The following ADAMTS17 variants were observed in gnomAD, a reference collection of about 807,000 sequenced individuals.
The protein encoded by ADAMTS17 is ADAM metallopeptidase with thrombospondin type 1 motif 17.
In ADAMTS17, 113 loss-of-function variants were observed where a neutral mutation model predicts 141.5. The ratio of observed to expected loss-of-function variants is 0.80; its 90% CI spans 0.69 to 0.93. The LOEUF (loss-of-function observed/expected upper bound fraction) is 0.93, where lower values mean the gene tolerates loss of function less well. Among genes scored for constraint, ADAMTS17 ranks in the 40% least tolerant of loss-of-function variants. The pLI is 0.00. For synonymous variants in ADAMTS17, 768 were observed against 630.6 expected, an observed-to-expected ratio of 1.22 and a Z score of -3.27; for missense variants, 1,659 against 1,517.9, an observed-to-expected ratio of 1.09 and a Z score of -1.54.
intron 7 of ADAMTS17, among the ~76,000 whole-genome samples, chr15:100,241,850 C>T (rs2042837144): frequency 6.6e-6 from 1 of 152,154 alleles, no homozygotes; most frequent in African/African-American, 2.4e-5. Context: ...ATTTCTAATC[C>T]AAGTCGTCTA....
intron 2 of ADAMTS17, among the ~76,000 whole-genome samples, chr15:100,336,176 G>T (rs1349548328): frequency 6.6e-6 from 1 of 152,248 alleles, no homozygotes; most frequent in African/African-American, 2.4e-5. Context: ...CCTAGACGAT[G>T]CTGGTGGGCA....
intron 7 of ADAMTS17, among the ~76,000 whole-genome samples, chr15:100,221,904 C>T (rs1314221738): frequency 1.3e-5 from 2 of 152,216 alleles, no homozygotes; most frequent in African/African-American, 4.8e-5. Flanking sequence ...CTCGGGCTGA[C>T]ACCTCTGCCG....
At chr15:100,055,300 A>G (rs1407926145) in intron 15 of ADAMTS17, among the ~76,000 whole-genome samples, 1 of 152,228 alleles carries the variant, frequency 6.6e-6, no homozygotes, top group Admixed American at 6.5e-5. Flanking sequence ...CTGATTTTGG[A>G]AAATGAGAGT....
intron 15 of ADAMTS17, among the ~76,000 whole-genome samples, chr15:100,085,498 CAAAG>C (rs1275594518): frequency 6.6e-6 from 1 of 151,434 alleles, no homozygotes; most frequent in African/African-American, 2.4e-5. Context: ...GAGAACACCA[CAAAG>C]ATACTCCTCG....
At chr15:100,208,118 C>T (rs1385889759) in intron 7 of ADAMTS17, among the ~76,000 whole-genome samples, 2 of 152,030 alleles carry the variant, frequency 1.3e-5, no homozygotes, top group Non-Finnish European at 1.5e-5. Context: ...GCAAGCCTCA[C>T]CTGGTACACA....
chr15:100,017,921 T>A (rs572339727), intron 18 of ADAMTS17, among the ~76,000 whole-genome samples: 385 of 152,356 alleles, frequency 2.5e-3, no homozygotes, highest in Non-Finnish European at 4.6e-3. Flanking sequence ...ATATACATAA[T>A]GAAATTTACC....
intron 15 of ADAMTS17, 62 bp downstream of exon 15, chr15:100,096,294 A>T: frequency 1.2e-6 from 2 of 1,606,658 alleles, no homozygotes; most frequent in South Asian, 2.2e-5. Context: ...ACTGCAATCA[A>T]TAGCTGTAGG....
At chr15:100,211,253 G>A (rs2041799360) in intron 7 of ADAMTS17, among the ~76,000 whole-genome samples, 1 of 141,228 alleles carries the variant, frequency 7.1e-6, no homozygotes, top group Non-Finnish European at 1.5e-5. Context: ...TTGAGACTGT[G>A]CCACTTCACT....
At chr15:100,333,375 T>C (rs2046112853) in intron 2 of ADAMTS17, among the ~76,000 whole-genome samples, 1 of 152,162 alleles carries the variant, frequency 6.6e-6, no homozygotes, top group Non-Finnish European at 1.5e-5. Flanking sequence ...CCCGGCTACC[T>C]ATTGTTATGA....
intron 17 of ADAMTS17, among the ~76,000 whole-genome samples, chr15:100,051,188 A>T (rs1427374428): frequency 6.6e-6 from 1 of 151,978 alleles, no homozygotes; most frequent in Non-Finnish European, 1.5e-5. Context: ...GCCAAGAGGG[A>T]AGGGAATTTG....
intron 3 of ADAMTS17, among the ~76,000 whole-genome samples, chr15:100,287,380 A>C (rs2142106045): frequency 6.6e-6 from 1 of 152,320 alleles, no homozygotes; most frequent in East Asian, 1.9e-4. Context: ...AGAAATATGG[A>C]ATTATGTAAA....
Position 100,048,968 on chromosome 15 carries a change from C to A in ADAMTS17, c.2480G>T (p.Cys827Phe). 1 of 1,614,166 alleles carries A rather than the reference C, an allele frequency of 6.2e-7. No individual in the cohort carries two copies. Among genetic ancestry groups the A allele is most frequent in the Non-Finnish European group, 8.5e-7 (1 of 1,180,028 alleles). The change falls in exon 18 of 22, where the codon TGT becomes TTT. Residue 827 changes from cysteine (C) to phenylalanine (F), a missense_variant. By Grantham distance (205) the Cys-to-Phe change is radical (BLOSUM62 -2). Transcript: ENST00000268070. ...GGGERRTIVS[C>F]TRIVNKTTTL... ...TGTGGTCTTGTTGACAATCCGTGTA[C>A]ACGAGACGATGGTTCTGCGCTCCCC... is the stretch of plus-strand genomic sequence containing the variant.
At chr15:99,984,387 G>A (rs533579975) in intron 20 of ADAMTS17, among the ~76,000 whole-genome samples, 11 of 152,294 alleles carry the variant, frequency 7.2e-5, no homozygotes, top group African/African-American at 2.4e-4. Flanking sequence ...CCGCCATCAC[G>A]TGTGGGTACC....
At position 99,975,920 on chromosome 15, in the gene ADAMTS17, G is replaced by A. The variant is rs377336437; in HGVS notation, c.3127+125C>T. On this transcript the variant is annotated intron_variant, in intron 21 of 21. Transcript: ENST00000268070. ...TCTTCTACAGAACTGACAAATGTCA[G>A]CCTTATGTGACAAGTGAGGCCCAAG... The A allele has an allele frequency of 6.5e-6, 7 of 1,075,752 alleles. No individual in the cohort carries two copies. In the East Asian group the frequency reaches 1.8e-4, roughly 28 times the overall value. The allele number at this position is 1,075,752 out of a possible 1,614,324, so 66.6% of individuals were successfully genotyped here.
At position 100,033,787 on chromosome 15, in the gene ADAMTS17, A is replaced by G. The variant is rs2030426584; in HGVS notation, c.2591+15070T>C. ...TTTTCGGTGTCTCTTCAATTTTGGG[A>G]GCTACTCCACATTCTTTCTATATTC... On this transcript the variant is annotated intron_variant, in intron 18 of 21. Transcript: ENST00000268070. Among the ~76,000 whole-genome samples, 4 of 152,108 alleles carry G rather than the reference A, an allele frequency of 2.6e-5. No individual in the cohort carries two copies. The South Asian group carries it at 8.3e-4, about 32-fold the overall frequency.
At chr15:100,321,889 G>A (rs898293106) in intron 3 of ADAMTS17, among the ~76,000 whole-genome samples, 10 of 152,182 alleles carry the variant, frequency 6.6e-5, no homozygotes, top group Admixed American at 2.0e-4. Context: ...TCTGTTTGCA[G>A]TAATTTGAGA....
At chr15:100,277,986 CACA>C (rs764086913) in intron 4 of ADAMTS17, among the ~76,000 whole-genome samples, 1 of 152,228 alleles carries the variant, frequency 6.6e-6, no homozygotes, top group Non-Finnish European at 1.5e-5. Flanking sequence ...TGACACATGT[CACA>C]ACATGAATGA....
intron 7 of ADAMTS17, among the ~76,000 whole-genome samples, chr15:100,244,256 CGTG>C (rs2042918183): frequency 6.6e-6 from 1 of 151,496 alleles, no homozygotes; most frequent in Non-Finnish European, 1.5e-5. Context: ...TCCCATGACA[CGTG>C]GGAATTATTG....
intron 10 of ADAMTS17, among the ~76,000 whole-genome samples, chr15:100,150,119 G>T (rs2039092677): frequency 6.6e-6 from 1 of 152,204 alleles, no homozygotes; most frequent in South Asian, 2.1e-4. Flanking sequence ...AGTTCCTTGG[G>T]AGCCCAGGAA....
Sources: allele counts gnomAD v4.1 joint callset (sites outside exome capture counted in the v4.1 genomes callset), GRCh38; gene constraint gnomAD v4.1.1; transcripts MANE v1.5; gene names NCBI Gene and HGNC (gene_info 2026-07-23, HGNC 2026-07-21).